Variants in FRMD3 observed in about 807,000 individuals in gnomAD.
The protein encoded by FRMD3 is FERM domain containing 3.
A neutral mutation model predicts 70.2 loss-of-function variants in FRMD3; 33 were observed. The ratio of observed to expected loss-of-function variants is 0.47; its 90% CI spans 0.36 to 0.63. The LOEUF (loss-of-function observed/expected upper bound fraction) is 0.63. Ranked by LOEUF, FRMD3 falls within the 20% of genes least tolerant of loss-of-function variation. The pLI is 0.00. For synonymous variants in FRMD3, 279 were observed against 255.9 expected (o/e 1.09, Z -0.86); for missense variants, 632 against 711.4 (o/e 0.89, Z 1.27).
intron 13 of FRMD3, among the ~76,000 whole-genome samples, chr9:83,265,906 A>C (rs543896456): frequency 6.6e-6 from 1 of 152,200 alleles, no homozygotes; most frequent in Non-Finnish European, 1.5e-5. Flanking sequence ...CTCTGTATAC[A>C]TATGCATTGC....
At chr9:83,335,818 G>A (rs985905702) in intron 5 of FRMD3, among the ~76,000 whole-genome samples, 179 bp from the exon 6 acceptor site, 2 of 152,092 alleles carry the variant, frequency 1.3e-5, no homozygotes, top group African/African-American at 2.4e-5. Flanking sequence ...AGTTCAGATC[G>A]AGCTGTGTGA....
rs573385227 is a variant in FRMD3, at chr9:83,247,331, C to A, written c.*587G>T. 3.7e-4 allele frequency: 363 copies of A among 983,426 alleles called. 3 individuals carry two copies. The African/African-American group carries it at 5.6e-3, about 15-fold the overall frequency. The allele number at this position is 983,426 out of a possible 1,614,324, so 60.9% of individuals were successfully genotyped here. ...AAAACATTAAAAAAATTCTGATATACCTTTTGTGCATTAGTCTTACAATCT... is the reference window on the plus strand; with the variant it reads ...AAAACATTAAAAAAATTCTGATATAACTTTTGTGCATTAGTCTTACAATCT... On this transcript the variant is annotated 3_prime_UTR_variant, in exon 14 of 14. Coordinates refer to ENST00000304195, the MANE Select transcript of FRMD3 (RefSeq NM_174938.6).
At chr9:83,570,932 T>C in the FRMD3 span, among the ~76,000 whole-genome samples, 23 of 152,132 alleles carry the variant, frequency 1.5e-4, no homozygotes, top group Admixed American at 1.4e-3. Context: ...AGACTGCACA[T>C]AAGGTAAAAG....
chr9:83,501,460 G>C (rs772629081), intron 1 of FRMD3, among the ~76,000 whole-genome samples: 2 of 152,152 alleles, frequency 1.3e-5, no homozygotes, highest in South Asian at 2.1e-4. Flanking sequence ...TATAAACACG[G>C]AGTGTTCTTC....
intron 6 of FRMD3, among the ~76,000 whole-genome samples, chr9:83,316,282 C>T (rs867575448): frequency 5.9e-5 from 9 of 151,534 alleles, no homozygotes; most frequent in African/African-American, 9.7e-5. Flanking sequence ...CCTCAACCTC[C>T]GGAGTAGCTG....
At chr9:83,554,843 C>G in the FRMD3 span, among the ~76,000 whole-genome samples, 1 of 152,140 alleles carries the variant, frequency 6.6e-6, no homozygotes, top group East Asian at 1.9e-4. Flanking sequence ...CAGGCACCCA[C>G]GTCACAGTCT....
At chr9:83,437,358 T>C (rs1040269120) in intron 1 of FRMD3, among the ~76,000 whole-genome samples, 2 of 152,246 alleles carry the variant, frequency 1.3e-5, no homozygotes, top group African/African-American at 2.4e-5. Context: ...TCTTTGACTA[T>C]ATAGACTTAC....
Position 83,244,794 on chromosome 9 carries a change from C to T in FRMD3, c.*3124G>A. 1.0e-6 allele frequency: 1 copy of T among 985,240 alleles called. No homozygotes were observed. The highest frequency in any genetic ancestry group is 1.2e-6 in the Non-Finnish European group (1 of 829,818). 61.0% of individuals were successfully genotyped at this position (985,240 alleles called of 1,614,324 possible). A position where few individuals can be genotyped will look rare whatever the true frequency, so the allele number is the denominator to read the frequency against. The stretch of plus-strand genomic sequence containing the variant: ...ATGAAATAAACTCATTGTGAATTCA[C>T]CCCGAGTTGTGTTTATAAATATTAG... On this transcript the variant is annotated 3_prime_UTR_variant, in exon 14 of 14. Coordinates refer to ENST00000304195, the MANE Select transcript of FRMD3 (RefSeq NM_174938.6).
At chr9:83,343,530 T>C (rs2131165050) in intron 4 of FRMD3, among the ~76,000 whole-genome samples, 1 of 152,164 alleles carries the variant, frequency 6.6e-6, no homozygotes, top group East Asian at 1.9e-4. Flanking sequence ...GGCTCGGCCT[T>C]TTCAAAGAGG....
At chr9:83,491,478 T>C (rs1258531015) in intron 1 of FRMD3, among the ~76,000 whole-genome samples, 1 of 152,084 alleles carries the variant, frequency 6.6e-6, no homozygotes, top group East Asian at 1.9e-4. Flanking sequence ...GAGTAATGAA[T>C]CCTCAGGACA....
At position 83,331,105 on chromosome 9, in the gene FRMD3, T is replaced by C. The variant is rs114237116; in HGVS notation, c.596+4411A>G. 2.3e-3 allele frequency among the ~76,000 whole-genome samples: 345 copies of C among 152,298 alleles called. 1 individual carries two copies. The highest frequency in any genetic ancestry group is 8.0e-3 in the African/African-American group (333 of 41,562). ...ATAGAGCAATCATGGTGTTTGGTAT[T>C]TACCCAAATGAGTTGAAAACTTATG... On this transcript the variant is annotated intron_variant, in intron 6 of 13. Transcript: ENST00000304195.
At chr9:83,411,325 A>C (rs1350475680) in intron 1 of FRMD3, among the ~76,000 whole-genome samples, 1 of 152,228 alleles carries the variant, frequency 6.6e-6, no homozygotes, top group Admixed American at 6.5e-5. Flanking sequence ...TAACTTCTGA[A>C]ATATCTTAAT....
intron 1 of FRMD3, among the ~76,000 whole-genome samples, chr9:83,416,745 G>GTCTCTCTGTCTCTCTCTC (rs1554702036): frequency 2.0e-5 from 2 of 102,288 alleles, no homozygotes; most frequent in East Asian, 3.1e-4. Flanking sequence ...ATTTCTCTCT[G>GTCTCTCTGTCTCTCTCTC]TCTCTCTCTC....
Position 83,311,945 on chromosome 9 carries a change from A to G in FRMD3, c.715T>C (p.Phe239Leu). ...DSTGTTTFLG[F>L]TAAGFVVFQG... Reference sequence around the variant, plus strand: ...AAGACCACAAAGCCTGCAGCTGTGAATCCTAAAAATGTTGTTGTGCCTGTT... The same window carrying G: ...AAGACCACAAAGCCTGCAGCTGTGAGTCCTAAAAATGTTGTTGTGCCTGTT... Residue 239 changes from phenylalanine to leucine, a missense_variant, in exon 8 of 14, where the codon TTC becomes CTC. Physicochemically the swap from Phe to Leu is conservative, Grantham distance 22 (BLOSUM62 0). Around this residue, in one of 3 missense-constraint regions of FRMD3, gnomAD observed 418 missense variants for 442.1 expected, o/e 0.95. Transcript: ENST00000304195. The G allele has an allele frequency of 6.2e-7, 1 of 1,611,338 alleles. No homozygotes were observed. The highest frequency in any genetic ancestry group is 1.1e-5 in the South Asian group (1 of 90,340).
At chr9:83,456,988 A>C (rs1827836384) in intron 1 of FRMD3, among the ~76,000 whole-genome samples, 1 of 152,078 alleles carries the variant, frequency 6.6e-6, no homozygotes, top group Non-Finnish European at 1.5e-5. Context: ...TCAAAAAAAA[A>C]TTAATAAAAA....
chr9:83,329,226 G>A (rs754055108), intron 6 of FRMD3, among the ~76,000 whole-genome samples: 3 of 152,056 alleles, frequency 2.0e-5, no homozygotes, highest in Non-Finnish European at 4.4e-5. Flanking sequence ...TCCTAAGAAA[G>A]GTGCTATACC....
At chr9:83,494,481 C>A (rs1828895849) in intron 1 of FRMD3, among the ~76,000 whole-genome samples, 1 of 152,174 alleles carries the variant, frequency 6.6e-6, no homozygotes, top group South Asian at 2.1e-4. Context: ...GGCCCCCTGC[C>A]ATACTCTTCC....
At chr9:83,577,927 CTT>C in the FRMD3 span, among the ~76,000 whole-genome samples, 1 of 151,376 alleles carries the variant, frequency 6.6e-6, no homozygotes, top group East Asian at 1.9e-4. Flanking sequence ...TTGACAAACT[CTT>C]AGGCTAACTA....
the FRMD3 span, among the ~76,000 whole-genome samples, chr9:83,545,346 G>GTTGTT: frequency 6.0e-5 from 7 of 117,332 alleles, no homozygotes; most frequent in African/African-American, 2.1e-4. Flanking sequence ...GAAAAGTGTT[G>GTTGTT]TTTTTTTTTG....
Sources: gnomAD v4.1 joint callset for allele counts (sites outside exome capture counted in the v4.1 genomes callset) on GRCh38, gnomAD v4.1.1 for gene constraint, gnomAD v4.1.1 regional missense constraint, MANE v1.5 for transcripts, NCBI Gene and HGNC (gene_info 2026-07-23, HGNC 2026-07-21) for gene names.